Variants in FTCDNL1 observed in about 807,000 individuals in gnomAD.
FTCDNL1 encodes the protein formiminotransferase cyclodeaminase N-terminal like.
FTCDNL1 carries 11 observed loss-of-function variants against 5.9 expected under a neutral mutation model. The observed-to-expected ratio is 1.87, with a 90% CI of 1.18 to 3.10. The LOEUF is 3.10. FTCDNL1 is among the 30% of genes most tolerant of loss of function. The probability of loss-of-function intolerance (pLI) is 0.00; values close to 1 mark genes in which losing one functional copy is unlikely to be tolerated. For synonymous variants in FTCDNL1, 58 were observed against 24.8 expected, an observed-to-expected ratio of 2.34 and a Z score of -3.99; for missense variants, 115 against 65.5, an observed-to-expected ratio of 1.76 and a Z score of -2.61.
At chr2:199,673,718 A>G in the FTCDNL1 span, among the ~76,000 whole-genome samples, 33 of 152,212 alleles carry the variant, frequency 2.2e-4, no homozygotes, top group African/African-American at 7.5e-4. Flanking sequence ...TAACCTGATA[A>G]AATCATATCA....
At chr2:199,834,357 G>T (rs1202961492) in intron 3 of FTCDNL1, among the ~76,000 whole-genome samples, 1 of 152,134 alleles carries the variant, frequency 6.6e-6, no homozygotes, top group Non-Finnish European at 1.5e-5. Context: ...GTGGTACTTT[G>T]TTACTACAGC....
intron 3 of FTCDNL1, among the ~76,000 whole-genome samples, chr2:199,794,890 T>A (rs1251480067): frequency 2.0e-5 from 3 of 152,092 alleles, no homozygotes; most frequent in Non-Finnish European, 4.4e-5. Context: ...TCTCAAATAC[T>A]ACTATTACTA....
chr2:199,701,672 T>C, the FTCDNL1 span, among the ~76,000 whole-genome samples: 4 of 152,208 alleles, frequency 2.6e-5, no homozygotes, highest in Non-Finnish European at 4.4e-5. Context: ...TGGTTGCAGC[T>C]GGAAGTCATT....
the FTCDNL1 span, among the ~76,000 whole-genome samples, chr2:199,712,314 C>T: frequency 1.3e-5 from 2 of 152,084 alleles, no homozygotes; most frequent in East Asian, 3.9e-4. Context: ...TGTCACTGCA[C>T]CATTTGGGAT....
intron 3 of FTCDNL1, among the ~76,000 whole-genome samples, chr2:199,784,857 T>C (rs935220321): frequency 1.3e-5 from 2 of 152,196 alleles, no homozygotes; most frequent in African/African-American, 2.4e-5. Context: ...TCTAGAAAAG[T>C]GGCCTAAGGA....
rs564507792 is a variant in FTCDNL1 at position 199,769,272 on chromosome 2, A to G, written c.212-8437T>C. Among the ~76,000 whole-genome samples, 153 of 152,222 alleles carry G rather than the reference A, an allele frequency of 1.0e-3. 1 individual carries two copies. The highest frequency in any genetic ancestry group is 6.0e-3 in the Admixed American group (92 of 15,298). On this transcript the variant is annotated intron_variant, in intron 3 of 3. Coordinates refer to the FTCDNL1 transcript ENST00000416668. ...TGTTCCCACCCAAATCTCACCTTGAATTGTAATTATCCCCACATGTCAGGG... is the reference window on the plus strand; with the variant it reads ...TGTTCCCACCCAAATCTCACCTTGAGTTGTAATTATCCCCACATGTCAGGG...
At chr2:199,806,238 C>A (rs1200348409), downstream of FTCDNL1, among the ~76,000 whole-genome samples, 3 of 152,120 alleles carry the variant, frequency 2.0e-5, no homozygotes, top group Admixed American at 2.0e-4. Context: ...AGGCCATGTG[C>A]AGGCTCGCTT....
chr2:199,671,297 AGGT>A, the FTCDNL1 span, among the ~76,000 whole-genome samples: 1 of 152,056 alleles, frequency 6.6e-6, no homozygotes, highest in Non-Finnish European at 1.5e-5. Flanking sequence ...ATCATAAATG[AGGT>A]GGTGATCAAC....
chr2:199,825,421 T>C (rs1701970023), intron 3 of FTCDNL1, among the ~76,000 whole-genome samples: 1 of 152,104 alleles, frequency 6.6e-6, no homozygotes, highest in African/African-American at 2.4e-5. Flanking sequence ...AGTTTAGGAA[T>C]TGCAAGATAA....
At chr2:199,698,879 CAAAG>C in the FTCDNL1 span, among the ~76,000 whole-genome samples, 1 of 151,576 alleles carries the variant, frequency 6.6e-6, no homozygotes, top group African/African-American at 2.4e-5. Context: ...GCTAGCTAGA[CAAAG>C]AAAGAAAGAG....
rs77685783 is a variant in FTCDNL1, at chr2:199,831,341, C to T, written c.212-11584G>A. Among the ~76,000 whole-genome samples the T allele has an allele frequency of 7.2e-5, 11 of 152,194 alleles. No individual in the cohort carries two copies. The East Asian group carries it at 2.1e-3, about 29-fold the overall frequency. Reference sequence around the variant, plus strand: ...TCCTTTGTATTTGCTCTAGGAAAAGCCTTGCATTTGTGCACAAGAGGGACT... The same window carrying T: ...TCCTTTGTATTTGCTCTAGGAAAAGTCTTGCATTTGTGCACAAGAGGGACT... On this transcript the variant is annotated intron_variant, in intron 3 of 4. Coordinates refer to ENST00000420128, the MANE Select transcript of FTCDNL1 (RefSeq NM_001363886.2).
chr2:199,706,390 C>T, the FTCDNL1 span, among the ~76,000 whole-genome samples: 3 of 152,136 alleles, frequency 2.0e-5, no homozygotes, highest in African/African-American at 7.2e-5. Flanking sequence ...GCTCATGAGA[C>T]CATGCATAAC....
At chr2:199,724,313 T>C in the FTCDNL1 span, among the ~76,000 whole-genome samples, 1 of 152,150 alleles carries the variant, frequency 6.6e-6, no homozygotes, top group African/African-American at 2.4e-5. Flanking sequence ...CTATATATTT[T>C]ATTAATGTTT....
At chr2:199,795,035 T>C (rs1185328391) in intron 3 of FTCDNL1, among the ~76,000 whole-genome samples, 6 of 152,206 alleles carry the variant, frequency 3.9e-5, no homozygotes, top group Non-Finnish European at 7.3e-5. Context: ...CAAAGCCATG[T>C]GGGCCTGAGA....
the FTCDNL1 span, among the ~76,000 whole-genome samples, chr2:199,669,113 A>G: frequency 6.6e-6 from 1 of 152,196 alleles, no homozygotes. Flanking sequence ...ACTCACTAGG[A>G]AATAAATTCA....
chr2:199,795,520 C>T (rs551850419), intron 3 of FTCDNL1, among the ~76,000 whole-genome samples: 45 of 152,330 alleles, frequency 3.0e-4, no homozygotes, highest in African/African-American at 1.1e-3. Context: ...TATTTGTAAA[C>T]TGCCTGTCTC....
intron 3 of FTCDNL1, among the ~76,000 whole-genome samples, chr2:199,826,303 T>C (rs968484619): frequency 1.3e-5 from 2 of 152,188 alleles, no homozygotes; most frequent in African/African-American, 4.8e-5. Flanking sequence ...GGAAACAACA[T>C]ATGCTTTTAA....
At chr2:199,775,852 T>A (rs893370259) in intron 3 of FTCDNL1, among the ~76,000 whole-genome samples, 4 of 151,850 alleles carry the variant, frequency 2.6e-5, no homozygotes, top group African/African-American at 9.7e-5. Flanking sequence ...GAAATAAGGA[T>A]CATGTCTAGT....
the FTCDNL1 span, among the ~76,000 whole-genome samples, chr2:199,689,330 G>A: frequency 3.9e-4 from 59 of 152,280 alleles, 1 homozygote; most frequent in Admixed American, 3.8e-3. Flanking sequence ...ATGAGGAAGA[G>A]GGAATTAGCC....
Sources: gnomAD v4.1 joint callset for allele counts (sites outside exome capture counted in the v4.1 genomes callset) on GRCh38, gnomAD v4.1.1 for gene constraint, MANE v1.5 for transcripts, NCBI Gene and HGNC (gene_info 2026-07-23, HGNC 2026-07-21) for gene names.